The following OTUD7A variants were observed in gnomAD, a reference collection of about 807,000 sequenced individuals.
OTUD7A encodes the protein OTU domain-containing protein 7A.
A neutral mutation model predicts 65.7 loss-of-function variants in OTUD7A; 12 were observed. The observed-to-expected ratio is 0.18, with a 90% CI of 0.12 to 0.30. OTUD7A has a LOEUF of 0.30. Ranked by LOEUF, OTUD7A falls within the 10% of genes least tolerant of loss-of-function variation. The pLI is 1.00. For synonymous variants in OTUD7A, 641 were observed against 586.3 expected (o/e 1.09, Z -1.35); for missense variants, 1,148 against 1,304.8 (o/e 0.88, Z 1.85).
At chr15:31,686,113 C>A (rs1892830351) in intron 1 of OTUD7A, among the ~76,000 whole-genome samples, 1 of 152,222 alleles carries the variant, frequency 6.6e-6, no homozygotes, top group African/African-American at 2.4e-5. Flanking sequence ...GCTGTTGAAC[C>A]CACACTGGGG....
chr15:31,591,272 A>G (rs1251269154), intron 3 of OTUD7A, among the ~76,000 whole-genome samples: 1 of 152,138 alleles, frequency 6.6e-6, no homozygotes, highest in Non-Finnish European at 1.5e-5. Flanking sequence ...CACAAGCTTA[A>G]CTGGGAGAGC....
intron 3 of OTUD7A, among the ~76,000 whole-genome samples, chr15:31,616,180 G>A (rs542983401): frequency 1.3e-5 from 2 of 152,278 alleles, no homozygotes; most frequent in African/African-American, 4.8e-5. Context: ...ATGCTTTCTG[G>A]CATGTGAAAC....
At chr15:31,850,649 C>A (rs901026938) in intron 1 of OTUD7A, among the ~76,000 whole-genome samples, 2 of 152,164 alleles carry the variant, frequency 1.3e-5, no homozygotes, top group African/African-American at 4.8e-5. Context: ...ACACCCACCA[C>A]AACCCTGATG....
chr15:31,568,338 G>A (rs1888942052), intron 4 of OTUD7A, among the ~76,000 whole-genome samples: 1 of 152,360 alleles, frequency 6.6e-6, no homozygotes, highest in East Asian at 1.9e-4. Flanking sequence ...TGTCCTGCTG[G>A]GTTTTGAACT....
chr15:31,531,473 A>G (rs1044884765), intron 5 of OTUD7A, among the ~76,000 whole-genome samples: 1 of 148,704 alleles, frequency 6.7e-6, no homozygotes, highest in Non-Finnish European at 1.5e-5. Flanking sequence ...TTTGCCTCAC[A>G]TATCCCAGAT....
chr15:31,664,717 C>T (rs1313066398), intron 1 of OTUD7A, among the ~76,000 whole-genome samples: 11 of 152,122 alleles, frequency 7.2e-5, no homozygotes, highest in Admixed American at 2.6e-4. Flanking sequence ...GGTTCTTGCT[C>T]GTGAAATCCT....
chr15:31,493,111 C>T (rs2041340205), intron 10 of OTUD7A, among the ~76,000 whole-genome samples: 9 of 149,048 alleles, frequency 6.0e-5, no homozygotes. Flanking sequence ...GAGGCTGAGG[C>T]AGGAGAATTG....
At chr15:31,558,839 T>C in intron 5 of OTUD7A, 130 bp downstream of exon 5, 1 of 973,364 alleles carries the variant, frequency 1.0e-6, no homozygotes, top group Non-Finnish European at 1.5e-6. Flanking sequence ...CGGTGCAGCA[T>C]CTAGAATCCT....
At chr15:31,548,671 A>C (rs1008269141) in intron 5 of OTUD7A, among the ~76,000 whole-genome samples, 4 of 152,136 alleles carry the variant, frequency 2.6e-5, no homozygotes, top group African/African-American at 9.7e-5. Context: ...CACATAGGAG[A>C]TCCCCAATAC....
intron 1 of OTUD7A, among the ~76,000 whole-genome samples, chr15:31,848,387 C>G (rs572190713): frequency 6.6e-6 from 1 of 152,266 alleles, no homozygotes; most frequent in East Asian, 1.9e-4. Context: ...GCATCAAACC[C>G]TGAACTTTAA....
At chr15:31,485,153 GC>G (rs1476925909) in intron 12 of OTUD7A, among the ~76,000 whole-genome samples, 6 of 152,188 alleles carry the variant, frequency 3.9e-5, no homozygotes, top group Non-Finnish European at 8.8e-5. Flanking sequence ...CACTGGCAAG[GC>G]CGCCTGCTTG....
chr15:31,771,971 G>A (rs930865947), intron 1 of OTUD7A, among the ~76,000 whole-genome samples: 1 of 152,168 alleles, frequency 6.6e-6, no homozygotes, highest in African/African-American at 2.4e-5. Context: ...TTAGAGTGGG[G>A]GCCGGGCGCG....
intron 10 of OTUD7A, among the ~76,000 whole-genome samples, chr15:31,488,613 T>C (rs2041272928): frequency 6.6e-6 from 1 of 152,222 alleles, no homozygotes; most frequent in Non-Finnish European, 1.5e-5. Context: ...ACAGCCACCT[T>C]GGACCAGCTG....
chr15:31,581,657 A>G (rs1050245186), intron 3 of OTUD7A, among the ~76,000 whole-genome samples: 1 of 152,218 alleles, frequency 6.6e-6, no homozygotes, highest in African/African-American at 2.4e-5. Context: ...TGAGCTCTAC[A>G]TGGGCCCTTT....
chr15:31,781,269 A>AC (rs763826835), intron 1 of OTUD7A, among the ~76,000 whole-genome samples: 9 of 152,154 alleles, frequency 5.9e-5, no homozygotes, highest in Non-Finnish European at 8.8e-5. Flanking sequence ...TTTAAGAATG[A>AC]CCCCAAGGTC....
At chr15:31,512,318 C>T (rs2141100351) in intron 8 of OTUD7A, among the ~76,000 whole-genome samples, 1 of 152,208 alleles carries the variant, frequency 6.6e-6, no homozygotes, top group Middle Eastern at 3.4e-3. Context: ...GGCAGAGGAG[C>T]ACGCTCCCTT....
intron 1 of OTUD7A, among the ~76,000 whole-genome samples, chr15:31,688,214 CAA>C (rs71424610): frequency 3.0e-5 from 4 of 134,270 alleles, no homozygotes; most frequent in Admixed American, 7.4e-5. Context: ...GACTCCATCT[CAA>C]AAAAAAAAAA....
intron 3 of OTUD7A, among the ~76,000 whole-genome samples, chr15:31,640,989 A>G (rs537631345): frequency 2.6e-5 from 4 of 152,216 alleles, no homozygotes; most frequent in African/African-American, 9.6e-5. Flanking sequence ...AATATCAGGT[A>G]TTGTCAGACT....
intron 1 of OTUD7A, among the ~76,000 whole-genome samples, chr15:31,751,260 T>C (rs1248389511): frequency 6.6e-6 from 1 of 151,946 alleles, no homozygotes; most frequent in Non-Finnish European, 1.5e-5. Flanking sequence ...GTAAAGGACA[T>C]AAAGAGACAC....
Sources: gnomAD v4.1 joint callset for allele counts (sites outside exome capture counted in the v4.1 genomes callset) on GRCh38, gnomAD v4.1.1 for gene constraint, MANE v1.5 for transcripts, NCBI Gene and HGNC (gene_info 2026-07-23, HGNC 2026-07-21) for gene names.